Variants in AIPL1 observed in about 807,000 individuals in gnomAD.
The protein encoded by AIPL1 is aryl-hydrocarbon-interacting protein-like 1.
In AIPL1, 23 loss-of-function variants were observed where a neutral mutation model predicts 32.9. The ratio of observed to expected loss-of-function variants is 0.70; its 90% CI spans 0.50 to 0.99. The LOEUF (loss-of-function observed/expected upper bound fraction) is 0.99, where lower values mean the gene tolerates loss of function less well. Ranked by LOEUF, AIPL1 falls within the 50% of genes least tolerant of loss-of-function variation. The pLI, the probability that AIPL1 is intolerant of heterozygous loss-of-function variation, is 0.00. For synonymous variants in AIPL1, 210 were observed against 209.4 expected (o/e 1.00, Z -0.02); for missense variants, 485 against 506.0 (o/e 0.96, Z 0.40).
rs114275881 is a variant in AIPL1 at position 6,434,148 on chromosome 17, G to T, written c.97-50C>A. 2,501 of 1,593,618 alleles carry T rather than the reference G, an allele frequency of 1.6e-3. 36 individuals are homozygous for T. In the African/African-American group the frequency reaches 0.03, roughly 19 times the overall value. On this transcript the variant is annotated intron_variant, in intron 1 of 5. Transcript: ENST00000381129. ...GCTCTAGACACACTGTTCAAGGCCC[G>T]GCAGAAGCCACCCCCTTGCCACCGA... is the stretch of plus-strand genomic sequence containing the variant.
In AIPL1 at chr17:6,425,761, G is replaced by A. The variant is rs148543951; in HGVS notation, c.854C>T (p.Ala285Val). ...CAGCTCCAGCACTTTCTGGAGGTCC[G>A]CCTTGGCCTCGGCCTCATTCCACAC... Reference protein sequence around the residue: ...AEVWNEAEAKADLQKVLELEP... With the variant: ...AEVWNEAEAKVDLQKVLELEP... The change falls in exon 6 of 6, where the codon GCG (alanine) becomes GTG (valine). Residue 285 changes from alanine to valine, a missense_variant. Physicochemically the swap from Ala to Val is moderately conservative, Grantham distance 64 (BLOSUM62 0). Transcript: ENST00000381129. The A allele has an allele frequency of 6.2e-7, 1 of 1,607,128 alleles. No individual in the cohort carries two copies. Among genetic ancestry groups the A allele is most frequent in the Non-Finnish European group, 8.5e-7 (1 of 1,179,998 alleles).
At chr17:6,433,622 C>T (rs1296192942) in intron 2 of AIPL1, among the ~76,000 whole-genome samples, 1 of 134,888 alleles carries the variant, frequency 7.4e-6, no homozygotes, top group African/African-American at 3.1e-5. Flanking sequence ...CACACACACA[C>T]ACACACACAC....
At chr17:6,432,159 C>T (rs914626392) in intron 2 of AIPL1, among the ~76,000 whole-genome samples, 8 of 151,954 alleles carry the variant, frequency 5.3e-5, no homozygotes, top group Non-Finnish European at 1.2e-4. Flanking sequence ...CAGAGGCGGG[C>T]GGATCACAAG....
rs1342076335 is a variant in AIPL1 at position 6,425,683 on chromosome 17, C to G, written c.932G>C (p.Arg311Pro). Residue 311 changes from arginine to proline, a missense_variant, in exon 6 of 6, where the codon CGC (arginine) becomes CCC (proline). Physicochemically the swap from Arg to Pro is moderately radical, Grantham distance 103. Transcript: ENST00000381129. ...VRRELRLLEN[R>P]MAEKQEEERL... ...CTCCTCCTCCTGCTTCTCCGCCATG[C>G]GGTTCTCCAGCAGCCTCAGCTCCCT... The G allele has an allele frequency of 6.2e-7, 1 of 1,609,528 alleles. No individual in the cohort carries two copies. Among genetic ancestry groups the G allele is most frequent in the African/African-American group, 1.3e-5 (1 of 74,918 alleles).
At chr17:6,427,257 C>T (rs923616322) in intron 3 of AIPL1, among the ~76,000 whole-genome samples, 200 bp from the exon 4 acceptor site, 8 of 152,192 alleles carry the variant, frequency 5.3e-5, no homozygotes, top group African/African-American at 1.9e-4. Context: ...AAAAGGTGCC[C>T]GTTCATCAAG....
At position 6,424,657 on chromosome 17, in the gene AIPL1, G is replaced by C. The variant is rs1263573409; in HGVS notation, c.*803C>G. ...GGCTCACTGCAACCTCCGCCTCCCA[G>C]GTTCAATCAATTCTCCTGCCTCAGC... On this transcript the variant is annotated 3_prime_UTR_variant, in exon 6 of 6. Coordinates refer to ENST00000381129, the MANE Select transcript of AIPL1 (RefSeq NM_014336.5). 1 of 152,248 alleles carries C rather than the reference G, an allele frequency of 6.6e-6. No homozygotes were observed. The highest frequency in any genetic ancestry group is 2.4e-5 in the African/African-American group (1 of 41,428). 9.4% of individuals were successfully genotyped at this position (152,248 alleles called of 1,614,324 possible). A position where few individuals can be genotyped will look rare whatever the true frequency, so the allele number is the denominator to read the frequency against.
intron 3 of AIPL1, 99 bp downstream of exon 3, chr17:6,428,219 G>T: frequency 7.8e-7 from 1 of 1,280,562 alleles, no homozygotes; most frequent in African/African-American, 1.5e-5. Flanking sequence ...ACAGAAACAG[G>T]GCACTGTCCA....
In AIPL1 at chr17:6,423,802, A is replaced by G. The variant is rs78526307; in HGVS notation, c.*1658T>C. The G allele has an allele frequency of 0.053, 8,093 of 152,342 alleles. 285 individuals are homozygous for G. The highest frequency in any genetic ancestry group is 0.12 in the Admixed American group (1,832 of 15,302). The allele number at this position is 152,342 out of a possible 1,614,324, so 9.4% of individuals were successfully genotyped here. On this transcript the variant is annotated 3_prime_UTR_variant, in exon 6 of 6. Coordinates refer to ENST00000381129, the MANE Select transcript of AIPL1 (RefSeq NM_014336.5). ...TCAACCTATGGACAAAGCACAGAAG[A>G]TTTAGTTTTGCTTACAGAGCAGAAG...
At position 6,433,993 on chromosome 17, in the gene AIPL1, T is replaced by G. The variant is rs376654176; in HGVS notation, c.202A>C (p.Lys68Gln). 8 of 1,613,350 alleles carry G rather than the reference T, an allele frequency of 5.0e-6. No individual in the cohort carries two copies. In the African/African-American group the frequency reaches 8.1e-5, roughly 16 times the overall value. The change falls in exon 2 of 6, where the codon AAG becomes CAG. Residue 68 changes from lysine (K) to glutamine (Q), a missense_variant. Coordinates refer to ENST00000381129, the MANE Select transcript of AIPL1 (RefSeq NM_014336.5). ...PMHIIIGNMF[K>Q]LEVWEILLTS... ...AGCAGGATCTCCCAGACCTCGAGCT[T>G]GAACATGTTTCCGATGATGATGTGC... is the stretch of plus-strand genomic sequence containing the variant.
intron 3 of AIPL1, 123 bp from the exon 4 acceptor site, chr17:6,427,180 C>A: frequency 1.8e-6 from 2 of 1,101,434 alleles, no homozygotes; most frequent in South Asian, 1.3e-5. Context: ...CAAGTGCATA[C>A]AGACAAGGGA....
At chr17:6,429,824 G>GTAGATAGATAGA (rs772773845) in intron 2 of AIPL1, among the ~76,000 whole-genome samples, 1 of 67,530 alleles carries the variant, frequency 1.5e-5, no homozygotes, top group Non-Finnish European at 4.1e-5. Context: ...AGGTAGGTAG[G>GTAGATAGATAGA]TAGATAGATA....
At chr17:6,433,045 C>T (rs1254343560) in intron 2 of AIPL1, among the ~76,000 whole-genome samples, 1 of 152,118 alleles carries the variant, frequency 6.6e-6, no homozygotes, top group Non-Finnish European at 1.5e-5. Flanking sequence ...TGATGGTGGC[C>T]GGCACTGGGT....
At chr17:6,425,993 G>T in intron 5 of AIPL1, 163 bp from the exon 6 acceptor site, 1 of 1,089,812 alleles carries the variant, frequency 9.2e-7, no homozygotes, top group Non-Finnish European at 1.3e-6. Context: ...AGATGGAGAT[G>T]ATGATCATAA....
At chr17:6,428,942 T>A (rs574998234) in intron 2 of AIPL1, among the ~76,000 whole-genome samples, 57 of 152,228 alleles carry the variant, frequency 3.7e-4, no homozygotes, top group African/African-American at 1.3e-3. Flanking sequence ...AAGGGCAGTG[T>A]GGGGCAGTAG....
chr17:6,427,301 G>A (rs180797912), intron 3 of AIPL1, among the ~76,000 whole-genome samples: 37 of 152,270 alleles, frequency 2.4e-4, no homozygotes, highest in Admixed American at 2.0e-3. Flanking sequence ...AAATTGTCAC[G>A]AATACTCGTT....
intron 3 of AIPL1, among the ~76,000 whole-genome samples, chr17:6,427,642 G>A (rs1291588443): frequency 6.6e-6 from 1 of 151,942 alleles, no homozygotes; most frequent in Non-Finnish European, 1.5e-5. Context: ...AGGATGTGGG[G>A]AGTTCCATGC....
intron 2 of AIPL1, 122 bp downstream of exon 2, chr17:6,433,797 G>A: frequency 8.0e-7 from 1 of 1,257,834 alleles, no homozygotes; most frequent in Non-Finnish European, 1.1e-6. Flanking sequence ...TAAGTTTGCA[G>A]GACTGGCTTT....
chr17:6,426,639 T>C lies in AIPL1; in HGVS notation c.760A>G (p.Ser254Gly), dbSNP rs1327720602. The C allele has an allele frequency of 6.2e-6, 10 of 1,613,988 alleles. No homozygotes were observed. The highest frequency in any genetic ancestry group is 8.5e-6 in the Non-Finnish European group (10 of 1,180,008). The change falls in exon 5 of 6, where the codon AGT becomes GGT. Residue 254 changes from serine to glycine, a missense_variant. By Grantham distance (56) the Ser-to-Gly change is moderately conservative. Coordinates refer to ENST00000381129, the MANE Select transcript of AIPL1 (RefSeq NM_014336.5). ...EEYYEVLEHT[S>G]DILRHHPGIV... ...CCTGGGTGGTGCCGGAGAATATCAC[T>C]GGTGTGCTCCAGCACCTCATAGTAC...
chr17:6,430,725 C>T (rs1432087111), intron 2 of AIPL1, among the ~76,000 whole-genome samples: 1 of 152,136 alleles, frequency 6.6e-6, no homozygotes, highest in Non-Finnish European at 1.5e-5. Context: ...AGCCTTGCCT[C>T]ACAAATGGCA....
Sources: gnomAD v4.1 joint callset for allele counts (sites outside exome capture counted in the v4.1 genomes callset) on GRCh38, gnomAD v4.1.1 for gene constraint, MANE v1.5 for transcripts, NCBI Gene and HGNC (gene_info 2026-07-23, HGNC 2026-07-21) for gene names.